The following DCC variants were observed in gnomAD, a reference collection of about 807,000 sequenced individuals.
DCC encodes the protein DCC netrin 1 receptor.
In DCC, 58 loss-of-function variants were observed where a neutral mutation model predicts 172.5. That is an observed-to-expected ratio of 0.34 (90% confidence interval 0.27 to 0.42). DCC has a LOEUF of 0.42. Among genes scored for constraint, DCC ranks in the 10% least tolerant of loss-of-function variants. The pLI is 1.00. For synonymous variants in DCC, 709 were observed against 644.5 expected (o/e 1.10, Z -1.52); for missense variants, 1,740 against 1,791.0 (o/e 0.97, Z 0.51).
chr18:52,848,851 C>G (rs2038934299), intron 2 of DCC, among the ~76,000 whole-genome samples: 1 of 152,068 alleles, frequency 6.6e-6, no homozygotes, highest in Non-Finnish European at 1.5e-5. Flanking sequence ...GTTCAAATAC[C>G]TTGTTTGGCA....
intron 7 of DCC, among the ~76,000 whole-genome samples, chr18:53,133,534 A>G (rs1247854425): frequency 1.3e-5 from 2 of 152,146 alleles, no homozygotes; most frequent in Non-Finnish European, 1.5e-5. Flanking sequence ...TCTTGGGAGT[A>G]TTCTGGTTTT....
intron 2 of DCC, among the ~76,000 whole-genome samples, chr18:52,841,478 T>C (rs1074057): frequency 0.063 from 9,657 of 152,220 alleles, 285 homozygotes; most frequent in East Asian, 0.076. Context: ...GGAATTTGGC[T>C]CCTGCTTTTA....
chr18:53,069,777 G>T (rs1274980786), intron 7 of DCC, among the ~76,000 whole-genome samples: 1 of 152,106 alleles, frequency 6.6e-6, no homozygotes, highest in Non-Finnish European at 1.5e-5. Flanking sequence ...CGACCTGAGA[G>T]ACTGAAACAC....
chr18:53,223,122 A>C (rs1046894541), intron 12 of DCC, among the ~76,000 whole-genome samples: 2 of 152,144 alleles, frequency 1.3e-5, no homozygotes, highest in African/African-American at 4.8e-5. Flanking sequence ...AGACATGATT[A>C]AATCTCCATG....
At chr18:52,975,629 T>C (rs1282731195) in intron 5 of DCC, among the ~76,000 whole-genome samples, 1 of 152,130 alleles carries the variant, frequency 6.6e-6, no homozygotes, top group Non-Finnish European at 1.5e-5. Context: ...TCTGTTCCTG[T>C]GTTAGTTTGC....
At chr18:52,496,268 G>T (rs888624187) in intron 1 of DCC, among the ~76,000 whole-genome samples, 2 of 151,926 alleles carry the variant, frequency 1.3e-5, no homozygotes, top group African/African-American at 4.8e-5. Flanking sequence ...TCATATTTTT[G>T]TGCTGCAGTT....
At chr18:52,500,148 A>G (rs1423341645) in intron 1 of DCC, among the ~76,000 whole-genome samples, 1 of 151,720 alleles carries the variant, frequency 6.6e-6, no homozygotes, top group Non-Finnish European at 1.5e-5. Flanking sequence ...GGAGAAATGC[A>G]GGTGACAGGA....
At chr18:53,020,735 A>G (rs4078289) in intron 5 of DCC, among the ~76,000 whole-genome samples, 114,368 of 152,060 alleles carry the variant, frequency 0.75, 43,343 homozygotes, top group African/African-American at 0.82. Context: ...TTAGAAGGGT[A>G]TGAGATCTGT....
chr18:53,060,545 C>T (rs2042479091), intron 5 of DCC, among the ~76,000 whole-genome samples: 1 of 152,088 alleles, frequency 6.6e-6, no homozygotes, highest in Non-Finnish European at 1.5e-5. Context: ...TAGATTAGAA[C>T]TCACATATAC....
chr18:52,745,762 T>G (rs537662412), intron 1 of DCC, among the ~76,000 whole-genome samples: 1 of 152,304 alleles, frequency 6.6e-6, no homozygotes, highest in Non-Finnish European at 1.5e-5. Context: ...GGGTGTAATT[T>G]TGTATTCCTT....
intron 5 of DCC, among the ~76,000 whole-genome samples, chr18:52,958,677 G>A (rs1455591925): frequency 6.6e-6 from 1 of 152,066 alleles, no homozygotes; most frequent in Non-Finnish European, 1.5e-5. Context: ...TAGGCATTTA[G>A]GATAAAGAAG....
chr18:53,332,462 GA>G (rs1196654467), intron 14 of DCC, among the ~76,000 whole-genome samples: 2 of 152,108 alleles, frequency 1.3e-5, no homozygotes, highest in Middle Eastern at 3.2e-3. Flanking sequence ...AACTATATGT[GA>G]AATGCTACAT....
At chr18:52,776,892 T>G (rs1464938168) in intron 2 of DCC, among the ~76,000 whole-genome samples, 1 of 152,188 alleles carries the variant, frequency 6.6e-6, no homozygotes, top group Non-Finnish European at 1.5e-5. Flanking sequence ...GCTCAGAAAG[T>G]GTCTCAAATC....
chr18:52,657,916 G>A (rs1315036484), intron 1 of DCC, among the ~76,000 whole-genome samples: 1 of 152,126 alleles, frequency 6.6e-6, no homozygotes, highest in Non-Finnish European at 1.5e-5. Flanking sequence ...AAGTGATACA[G>A]ATGAACCGCG....
chr18:52,991,120 CTCAT>C (rs918111202), intron 5 of DCC, among the ~76,000 whole-genome samples: 4 of 152,156 alleles, frequency 2.6e-5, no homozygotes, highest in African/African-American at 9.7e-5. Flanking sequence ...GTGGACCCAT[CTCAT>C]TCATAACACC....
chr18:53,509,401 C>G (rs960097453), intron 27 of DCC, among the ~76,000 whole-genome samples: 3 of 152,198 alleles, frequency 2.0e-5, no homozygotes, highest in African/African-American at 7.2e-5. Context: ...CAGTGTTTCT[C>G]AAGTTTTGTG....
At chr18:53,053,449 CT>C (rs1475103361) in intron 5 of DCC, among the ~76,000 whole-genome samples, 3 of 151,966 alleles carry the variant, frequency 2.0e-5, no homozygotes, top group Admixed American at 2.0e-4. Flanking sequence ...CTAGGATTTA[CT>C]TTTTATTTCA....
chr18:53,337,378 G>A (rs1810295558), intron 14 of DCC, among the ~76,000 whole-genome samples: 1 of 152,208 alleles, frequency 6.6e-6, no homozygotes, highest in Admixed American at 6.5e-5. Context: ...AAACAGAACT[G>A]ACTGAGAGTC....
chr18:52,340,766 C>A lies in DCC; in HGVS notation c.-22C>A, dbSNP rs1334784279. On this transcript the variant is annotated 5_prime_UTR_variant, in exon 1 of 29. Coordinates refer to ENST00000442544, the MANE Select transcript of DCC (RefSeq NM_005215.4). The stretch of plus-strand genomic sequence containing the variant: ...TGCTGCCGCTGCCCGCGACCCCTGG[C>A]CCCGAAGGTGTTGGCTGAAATATGG... 7.5e-6 allele frequency: 12 copies of A among 1,596,956 alleles called. No homozygotes were observed. Among genetic ancestry groups the A allele is most frequent in the Non-Finnish European group, 1.0e-5 (12 of 1,164,744 alleles).
Sources: allele counts gnomAD v4.1 joint callset (sites outside exome capture counted in the v4.1 genomes callset), GRCh38; gene constraint gnomAD v4.1.1; transcripts MANE v1.5; gene names NCBI Gene and HGNC (gene_info 2026-07-23, HGNC 2026-07-21).